The following DAB1 variants were observed in gnomAD, a reference collection of about 807,000 sequenced individuals.
DAB1 encodes DAB adaptor protein 1.
In DAB1, 15 loss-of-function variants were observed where a neutral mutation model predicts 64.6. That is an observed-to-expected ratio of 0.23 (90% confidence interval 0.16 to 0.36). DAB1 has a LOEUF of 0.36. Ranked by LOEUF, DAB1 falls within the 10% of genes least tolerant of loss-of-function variation. The probability of loss-of-function intolerance (pLI) is 1.00; values close to 1 mark genes in which losing one functional copy is unlikely to be tolerated. For synonymous variants in DAB1, 235 were observed against 251.9 expected, an observed-to-expected ratio of 0.93 and a Z score of 0.64; for missense variants, 596 against 706.7, an observed-to-expected ratio of 0.84 and a Z score of 1.78.
chr1:57,928,473 G>A lies in DAB1; in HGVS notation n.388-44311C>T, dbSNP rs72920647. Among the ~76,000 whole-genome samples the A allele has an allele frequency of 8.8e-3, 1,339 of 152,038 alleles. 21 individuals carry two copies. The highest frequency in any genetic ancestry group is 0.03 in the African/African-American group (1,230 of 41,460). On this transcript the variant is annotated intron_variant and non_coding_transcript_variant, in intron 5 of 20. Transcript: ENST00000485760. ...TATATCACTGTTACTCAAAGACTAC[G>A]GTTTACATTAGGGCTCATTTTTGGT...
chr1:58,452,854 C>CA (rs529427597), intron 3 of DAB1, among the ~76,000 whole-genome samples: 2,853 of 144,460 alleles, frequency 0.02, 89 homozygotes, highest in African/African-American at 0.066. Flanking sequence ...AAAAACAAAA[C>CA]AAAAAAAAAA....
intron 1 of DAB1, among the ~76,000 whole-genome samples, chr1:57,848,553 T>C (rs1653385731): frequency 1.3e-5 from 2 of 152,106 alleles, no homozygotes; most frequent in Non-Finnish European, 2.9e-5. Context: ...CCTTGTGAAG[T>C]TGGGGACAGG....
chr1:57,847,169 G>A (rs1053946763), intron 1 of DAB1, among the ~76,000 whole-genome samples: 1 of 152,114 alleles, frequency 6.6e-6, no homozygotes, highest in Admixed American at 6.5e-5. Context: ...TCAGTGGCCT[G>A]GCTGCCTACC....
chr1:57,401,795 T>G (rs1189216355), intron 1 of DAB1, among the ~76,000 whole-genome samples: 2 of 152,202 alleles, frequency 1.3e-5, no homozygotes, highest in Non-Finnish European at 2.9e-5. Flanking sequence ...CTACACAGCC[T>G]GCCAGGGCTT....
rs76698244 is a variant in DAB1, at chr1:58,096,453, G to A, written n.387+54058C>T. ...ATGCTTTGTGATAGCTGTTTCAGCCGTGGTGTGAGATCACTTGTATGTGTG... is the reference window on the plus strand; with the variant it reads ...ATGCTTTGTGATAGCTGTTTCAGCCATGGTGTGAGATCACTTGTATGTGTG... On this transcript the variant is annotated intron_variant and non_coding_transcript_variant, in intron 5 of 20. Coordinates refer to the DAB1 transcript ENST00000485760. Among the ~76,000 whole-genome samples the A allele has an allele frequency of 3.3e-3, 507 of 152,286 alleles. 2 individuals carry two copies. Among genetic ancestry groups the A allele is most frequent in the African/African-American group, 0.011 (473 of 41,560 alleles).
At chr1:58,374,992 G>T (rs957075983) in intron 3 of DAB1, among the ~76,000 whole-genome samples, 15 of 136,918 alleles carry the variant, frequency 1.1e-4, no homozygotes, top group Non-Finnish European at 1.9e-4. Context: ...GTCTGTTGTT[G>T]GTGTATAGGA....
chr1:57,336,623 A>G (rs1677101280), intron 1 of DAB1, among the ~76,000 whole-genome samples: 2 of 152,176 alleles, frequency 1.3e-5, no homozygotes, highest in Non-Finnish European at 2.9e-5. Flanking sequence ...CTTTTTACAA[A>G]TTAAGCATGC....
intron 5 of DAB1, among the ~76,000 whole-genome samples, chr1:57,980,623 T>C (rs1442149875): frequency 6.6e-6 from 1 of 152,126 alleles, no homozygotes; most frequent in Non-Finnish European, 1.5e-5. Flanking sequence ...TCAGATACTG[T>C]AGGTGTCTGA....
At chr1:57,513,573 TA>T (rs1425263936) in intron 7 of DAB1, among the ~76,000 whole-genome samples, 1 of 152,178 alleles carries the variant, frequency 6.6e-6, no homozygotes, top group Admixed American at 6.5e-5. Flanking sequence ...AATTGACAAA[TA>T]AAAATTGCGT....
chr1:57,202,305 G>C (rs1463584499), intron 2 of DAB1, among the ~76,000 whole-genome samples: 1 of 152,174 alleles, frequency 6.6e-6, no homozygotes, highest in East Asian at 1.9e-4. Flanking sequence ...AGGGGGTCAG[G>C]CTGGATTCCT....
chr1:57,981,893 C>T (rs1325443), intron 5 of DAB1, among the ~76,000 whole-genome samples: 5,785 of 152,244 alleles, frequency 0.038, 203 homozygotes, highest in East Asian at 0.12. Context: ...AACCCACTTG[C>T]TTTTCTGCTT....
chr1:57,555,059 G>A (rs183202319), intron 7 of DAB1, among the ~76,000 whole-genome samples: 12 of 122,200 alleles, frequency 9.8e-5, no homozygotes, highest in African/African-American at 3.2e-4. Context: ...TTTTTGAGAC[G>A]GAGTCTCACT....
At chr1:58,277,673 C>T (rs983892763) in intron 4 of DAB1, among the ~76,000 whole-genome samples, 1 of 152,224 alleles carries the variant, frequency 6.6e-6, no homozygotes, top group East Asian at 1.9e-4. Context: ...AAACCATGGT[C>T]TAAAGAGAGA....
At chr1:57,668,353 T>G (rs1646472808) in intron 6 of DAB1, among the ~76,000 whole-genome samples, 1 of 152,150 alleles carries the variant, frequency 6.6e-6, no homozygotes, top group Admixed American at 6.6e-5. Flanking sequence ...GGTACCTACC[T>G]TAGAGGTAAA....
At chr1:57,008,336 A>G (rs1377653780) in intron 14 of DAB1, among the ~76,000 whole-genome samples, 1 of 152,180 alleles carries the variant, frequency 6.6e-6, no homozygotes, top group Non-Finnish European at 1.5e-5. Context: ...AAACCTCCCA[A>G]CCAATGGTCT....
intron 4 of DAB1, among the ~76,000 whole-genome samples, chr1:57,086,365 G>A (rs1240489619): frequency 6.6e-6 from 1 of 152,084 alleles, no homozygotes; most frequent in East Asian, 1.9e-4. Flanking sequence ...TGGTTCATAG[G>A]CGAACAGATG....
rs510230 is a variant in DAB1, at chr1:57,182,132, G to T, written c.68-36703C>A. 1.3e-4 allele frequency among the ~76,000 whole-genome samples: 20 copies of T among 152,204 alleles called. 1 individual carries two copies. The highest frequency in any genetic ancestry group is 4.1e-4 in the African/African-American group (17 of 41,534). ...GATCTCCTGACCTTGTGATCTGCCC[G>T]CCTTGGCCTCCCAAATTGTTGGGAT... is the stretch of plus-strand genomic sequence containing the variant. On this transcript the variant is annotated intron_variant, in intron 2 of 14. Transcript: ENST00000371236.
At chr1:57,833,731 C>A (rs1189198261) in intron 1 of DAB1, among the ~76,000 whole-genome samples, 2 of 152,168 alleles carry the variant, frequency 1.3e-5, no homozygotes, top group Non-Finnish European at 2.9e-5. Context: ...AAACTCATTT[C>A]TAGCCTACCC....
intron 1 of DAB1, among the ~76,000 whole-genome samples, chr1:57,296,082 G>A (rs1673172700): frequency 6.6e-6 from 1 of 152,120 alleles, no homozygotes; most frequent in African/African-American, 2.4e-5. Context: ...TTTCTGTAGT[G>A]TTATGAGCAA....
Sources: gnomAD v4.1 joint callset for allele counts (sites outside exome capture counted in the v4.1 genomes callset) on GRCh38, gnomAD v4.1.1 for gene constraint, MANE v1.5 for transcripts, NCBI Gene and HGNC (gene_info 2026-07-23, HGNC 2026-07-21) for gene names.